STAT5B: variants seen among roughly 807,000 people sequenced by gnomAD.
The protein encoded by STAT5B is signal transducer and activator of transcription 5B, also known as transcription factor STAT5B.
STAT5B carries 21 observed loss-of-function variants against 107.8 expected under a neutral mutation model. The ratio of observed to expected loss-of-function variants is 0.19; its 90% CI spans 0.14 to 0.28. The LOEUF is 0.28. STAT5B is among the 10% of genes least tolerant of loss of function. The pLI is 1.00. For synonymous variants in STAT5B, 325 were observed against 401.7 expected, an observed-to-expected ratio of 0.81 and a Z score of 2.28; for missense variants, 565 against 1,008.2, an observed-to-expected ratio of 0.56 and a Z score of 5.95.
At chr17:42,218,508 T>G (rs1598303053) in intron 8 of STAT5B, among the ~76,000 whole-genome samples, 178 bp from the exon 9 acceptor site, 1 of 148,912 alleles carries the variant, frequency 6.7e-6, no homozygotes, top group African/African-American at 2.5e-5. Context: ...GAGAGGGGAG[T>G]GAGATAACAC....
At chr17:42,246,220 T>A (rs1340442265) in intron 1 of STAT5B, among the ~76,000 whole-genome samples, 1 of 152,060 alleles carries the variant, frequency 6.6e-6, no homozygotes, top group African/African-American at 2.4e-5. Context: ...TAAAGAGACA[T>A]AAAACACAGG....
upstream of STAT5B, among the ~76,000 whole-genome samples, chr17:42,277,198 C>T (rs1007330393): frequency 2.6e-5 from 4 of 152,142 alleles, no homozygotes; most frequent in Admixed American, 6.5e-5. Context: ...GCTGAGTCAC[C>T]CACTCTCCTT....
upstream of STAT5B, among the ~76,000 whole-genome samples, chr17:42,280,728 G>A (rs1413804031): frequency 2.0e-5 from 3 of 152,190 alleles, no homozygotes; most frequent in South Asian, 2.1e-4. Context: ...GCGTGGCCTC[G>A]GTTTGGAATG....
chr17:42,255,236 G>A (rs1361160252), intron 1 of STAT5B, among the ~76,000 whole-genome samples: 1 of 152,126 alleles, frequency 6.6e-6, no homozygotes, highest in Non-Finnish European at 1.5e-5. Flanking sequence ...TCATAATCAG[G>A]CTGTAAGAAT....
Position 42,219,788 on chromosome 17 carries a change from G to T in STAT5B, c.605C>A (p.Thr202Lys). 3 of 1,613,770 alleles carry T rather than the reference G, an allele frequency of 1.9e-6. No homozygotes were observed. Among genetic ancestry groups the T allele is most frequent in the South Asian group, 1.1e-5 (1 of 91,048 alleles). The change falls in exon 6 of 19, where the codon ACG becomes AAG. Residue 202 changes from threonine to lysine, a missense_variant. This residue lies in a region of STAT5B where 56 missense variants were observed against 104.5 expected (regional missense o/e 0.54). Transcript: ENST00000293328. ...AGACACCTGCTTCTGCTGGAGGGCC[G>T]TCTCCCGGCTCAGACGCTCCTGGGG... ...LSPQERLSRE[T>K]ALQQKQVSLE...
In STAT5B at chr17:42,252,421, G is replaced by A. The variant is rs1598330170; in HGVS notation, c.-10-20284C>T. On this transcript the variant is annotated intron_variant, in intron 1 of 18. Transcript: ENST00000293328. ...TAAGTTATCTGCTGGCCAACTAATA[G>A]ACTGTAAGCCATCCTGGAGCAAGGA... Among the ~76,000 whole-genome samples the A allele has an allele frequency of 2.0e-5, 3 of 152,134 alleles. No homozygotes were observed. In the South Asian group the frequency reaches 6.2e-4, roughly 31 times the overall value.
At chr17:42,215,479 A>C (rs1467785054) in intron 12 of STAT5B, among the ~76,000 whole-genome samples, 1 of 152,206 alleles carries the variant, frequency 6.6e-6, no homozygotes, top group Non-Finnish European at 1.5e-5. Context: ...AGGTAAAGTG[A>C]ACTGCCCATG....
At chr17:42,237,879 T>TA (rs2080369093) in intron 1 of STAT5B, among the ~76,000 whole-genome samples, 1 of 152,278 alleles carries the variant, frequency 6.6e-6, no homozygotes, top group African/African-American at 2.4e-5. Context: ...AAGAATGAAT[T>TA]AGTTTTATGT....
chr17:42,201,991 A>G, intron 18 of STAT5B, 127 bp from the exon 19 acceptor site: 1 of 874,030 alleles, frequency 1.1e-6, no homozygotes, highest in Non-Finnish European at 1.8e-6. Flanking sequence ...TCATGGGAAA[A>G]GAACAACCAT....
intron 1 of STAT5B, among the ~76,000 whole-genome samples, chr17:42,263,064 C>A (rs2080632196): frequency 7.5e-6 from 1 of 132,754 alleles, no homozygotes; most frequent in African/African-American, 2.8e-5. Flanking sequence ...GACAGGGTCT[C>A]TGTCCATTGC....
intron 1 of STAT5B, among the ~76,000 whole-genome samples, chr17:42,252,079 A>G (rs867228438): frequency 2.0e-5 from 3 of 152,304 alleles, no homozygotes; most frequent in Middle Eastern, 3.4e-3. Context: ...TATGAGTTGA[A>G]TGCTAGAAGA....
intron 1 of STAT5B, among the ~76,000 whole-genome samples, chr17:42,264,499 T>A (rs2144407923): frequency 6.6e-6 from 1 of 151,966 alleles, no homozygotes; most frequent in East Asian, 1.9e-4. Flanking sequence ...AGAATGATGA[T>A]TTCCAATTTC....
At chr17:42,245,098 G>A (rs1180226631) in intron 1 of STAT5B, among the ~76,000 whole-genome samples, 1 of 98,588 alleles carries the variant, frequency 1.0e-5, no homozygotes, top group Non-Finnish European at 1.9e-5. Flanking sequence ...TTTTTTTTGA[G>A]ATGGAGTCTC....
At chr17:42,226,600 G>A (rs1266509795) in intron 3 of STAT5B, among the ~76,000 whole-genome samples, 1 of 151,820 alleles carries the variant, frequency 6.6e-6, no homozygotes, top group African/African-American at 2.4e-5. Flanking sequence ...CTGAGGTCGG[G>A]AGTTCGAAAC....
In STAT5B at chr17:42,207,622, A is replaced by G. The variant is rs2080096998; in HGVS notation, c.2013T>C (p.Pro671=). The change falls in exon 16 of 19, where the codon CCT becomes CCC. Residue 671 remains proline, a synonymous_variant. Coordinates refer to ENST00000293328, the MANE Select transcript of STAT5B (RefSeq NM_012448.4). The part of the protein sequence containing the change: ...GDLNYLIYVF[P]DRPKDEVYSK... The stretch of plus-strand genomic sequence containing the variant: ...AGTATACTTCATCTTTTGGCCGATC[A>G]GGAAACACGTAGATAAGGTAATTCA... 3.7e-6 allele frequency: 6 copies of G among 1,614,152 alleles called. No individual in the cohort carries two copies. Among genetic ancestry groups the G allele is most frequent in the South Asian group, 1.1e-5 (1 of 91,076 alleles).
Position 42,261,999 on chromosome 17 carries a change from C to T in STAT5B, c.-11+14249G>A, listed in dbSNP as rs574652097. Among the ~76,000 whole-genome samples, 12 of 152,168 alleles carry T rather than the reference C, an allele frequency of 7.9e-5. No homozygotes were observed. The South Asian group carries it at 2.5e-3, about 32-fold the overall frequency. On this transcript the variant is annotated intron_variant, in intron 1 of 18. Transcript: ENST00000293328. ...ACAGATGTGAGTCATCTCACCTGGC[C>T]TAAAATAGATTTTTACTTAATTAAA...
At chr17:42,256,318 T>C (rs896358065) in intron 1 of STAT5B, among the ~76,000 whole-genome samples, 3 of 152,066 alleles carry the variant, frequency 2.0e-5, no homozygotes, top group African/African-American at 7.2e-5. Flanking sequence ...TGGGCTCAAG[T>C]GACCCTCCTG....
chr17:42,282,289 AG>A, the STAT5B span, among the ~76,000 whole-genome samples: 2 of 152,132 alleles, frequency 1.3e-5, no homozygotes, highest in Admixed American at 1.3e-4. Flanking sequence ...CTACTGGCCA[AG>A]GCCTCTGAGC....
chr17:42,273,260 A>G (rs1394981018), intron 1 of STAT5B, among the ~76,000 whole-genome samples: 1 of 152,202 alleles, frequency 6.6e-6, no homozygotes, highest in African/African-American at 2.4e-5. Context: ...TCTATTCACA[A>G]AGCTCAGAAT....
Sources: gnomAD v4.1 joint callset for allele counts (sites outside exome capture counted in the v4.1 genomes callset) on GRCh38, gnomAD v4.1.1 for gene constraint, gnomAD v4.1.1 regional missense constraint, MANE v1.5 for transcripts, NCBI Gene and HGNC (gene_info 2026-07-23, HGNC 2026-07-21) for gene names.